Variants in MIR2052HG observed in about 807,000 individuals in gnomAD.
The protein encoded by MIR2052HG is MIR2052 host gene.
chr8:74,682,996 A>G (rs1264370872), intron 2 of MIR2052HG, among the ~76,000 whole-genome samples: 1 of 152,200 alleles, frequency 6.6e-6, no homozygotes, highest in African/African-American at 2.4e-5. Context: ...GTCTGTATAC[A>G]GTATGATATC....
chr8:74,611,311 C>A (rs2128731351), intron 1 of MIR2052HG, among the ~76,000 whole-genome samples: 1 of 152,180 alleles, frequency 6.6e-6, no homozygotes, highest in African/African-American at 2.4e-5. Flanking sequence ...AAAACACTGA[C>A]AACATCAAAT....
intron 2 of MIR2052HG, among the ~76,000 whole-genome samples, chr8:74,629,655 T>C (rs1184194790): frequency 6.6e-6 from 1 of 152,102 alleles, no homozygotes. Flanking sequence ...TGGAAGCCTT[T>C]TGCAGCCAAC....
chr8:74,741,793 G>A (rs375780959), intron 4 of MIR2052HG, among the ~76,000 whole-genome samples: 7 of 152,192 alleles, frequency 4.6e-5, no homozygotes, highest in African/African-American at 1.7e-4. Context: ...AGCACTAAGC[G>A]TGGGCGCCAT....
chr8:74,705,417 A>G (rs566579554), intron 4 of MIR2052HG, among the ~76,000 whole-genome samples: 1 of 152,148 alleles, frequency 6.6e-6, no homozygotes, highest in East Asian at 1.9e-4. Flanking sequence ...ACTGGATGTA[A>G]AAGTCATATA....
In MIR2052HG at chr8:74,650,321, C is replaced by T. The variant is rs1039307074; in HGVS notation, n.216+37381C>T. ...TTTGTGTTTGACTTTTTTCACTTAA[C>T]GTAAGGTTTTTTGAGGTTCACTCAT... On this transcript the variant is annotated intron_variant and non_coding_transcript_variant, in intron 2 of 6. Transcript: ENST00000523442. 5.9e-5 allele frequency among the ~76,000 whole-genome samples: 9 copies of T among 151,978 alleles called. No homozygotes were observed. The East Asian group carries it at 1.2e-3, about 20-fold the overall frequency.
intron 2 of MIR2052HG, among the ~76,000 whole-genome samples, chr8:74,638,259 A>G (rs1379442898): frequency 6.6e-6 from 1 of 152,172 alleles, no homozygotes. Flanking sequence ...AATTGTGACA[A>G]ATTCAATATT....
chr8:74,635,906 C>T (rs1389773681), intron 2 of MIR2052HG, among the ~76,000 whole-genome samples: 1 of 152,080 alleles, frequency 6.6e-6, no homozygotes, highest in Non-Finnish European at 1.5e-5. Flanking sequence ...TTTGGTTTGC[C>T]AATTTCTGAA....
chr8:74,662,889 T>TGC (rs571390790), intron 2 of MIR2052HG, among the ~76,000 whole-genome samples: 3,370 of 148,310 alleles, frequency 0.023, 136 homozygotes, highest in African/African-American at 0.083. Context: ...TGTGTGTGTG[T>TGC]GTGTGGTATA....
chr8:74,614,851 C>CT (rs773155570), intron 2 of MIR2052HG, among the ~76,000 whole-genome samples: 2,833 of 144,692 alleles, frequency 0.02, 24 homozygotes, highest in Middle Eastern at 0.03. Context: ...ACAATTTCAT[C>CT]TTTTTTTTTT....
intron 4 of MIR2052HG, among the ~76,000 whole-genome samples, chr8:74,728,346 A>C (rs767401108): frequency 2.6e-5 from 4 of 152,118 alleles, no homozygotes; most frequent in Non-Finnish European, 4.4e-5. Flanking sequence ...CAGGAATCTG[A>C]GATTGTCAGA....
chr8:74,704,120 T>A (rs1174250712), intron 4 of MIR2052HG, among the ~76,000 whole-genome samples: 2 of 151,844 alleles, frequency 1.3e-5, no homozygotes, highest in Non-Finnish European at 2.9e-5. Context: ...GATCTGTGAT[T>A]TTTTTTCTAT....
At chr8:74,734,059 G>T (rs1380263328) in intron 4 of MIR2052HG, among the ~76,000 whole-genome samples, 3 of 152,184 alleles carry the variant, frequency 2.0e-5, no homozygotes, top group Admixed American at 2.0e-4. Context: ...CCTACAAAAT[G>T]GGAGAAAATT....
chr8:74,681,640 T>C (rs1809126362), intron 2 of MIR2052HG, among the ~76,000 whole-genome samples: 1 of 152,158 alleles, frequency 6.6e-6, no homozygotes, highest in African/African-American at 2.4e-5. Flanking sequence ...GGGAATGGGT[T>C]AGTTATCCTG....
At chr8:74,701,452 C>G (rs759155702) in intron 2 of MIR2052HG, among the ~76,000 whole-genome samples, 1 of 151,952 alleles carries the variant, frequency 6.6e-6, no homozygotes, top group African/African-American at 2.4e-5. Context: ...CTCCATACTC[C>G]GGGGCAGTCA....
At chr8:74,612,657 A>G (rs1808216586) in intron 1 of MIR2052HG, 1 of 330,954 alleles carries the variant, frequency 3.0e-6, no homozygotes, top group Non-Finnish European at 6.0e-6. Context: ...CTTTACCTTT[A>G]GAAAGTCTGG....
At chr8:74,666,152 C>T (rs1808921747) in intron 2 of MIR2052HG, among the ~76,000 whole-genome samples, 1 of 152,148 alleles carries the variant, frequency 6.6e-6, no homozygotes, top group South Asian at 2.1e-4. Context: ...TCCAAGCCAC[C>T]AGCATTTCTC....
chr8:74,686,706 C>T (rs369477758), intron 2 of MIR2052HG, among the ~76,000 whole-genome samples: 139 of 152,062 alleles, frequency 9.1e-4, no homozygotes, highest in Non-Finnish European at 1.5e-3. Flanking sequence ...TATATTGCTT[C>T]GAGAGTCCAT....
intron 1 of MIR2052HG, among the ~76,000 whole-genome samples, chr8:74,610,192 C>A (rs574110919): frequency 4.0e-5 from 6 of 151,644 alleles, no homozygotes; most frequent in Non-Finnish European, 8.9e-5. Flanking sequence ...TTGCAGGATG[C>A]AAGATTAATA....
At chr8:74,622,895 T>G (rs549149531) in intron 2 of MIR2052HG, among the ~76,000 whole-genome samples, 2 of 151,844 alleles carry the variant, frequency 1.3e-5, no homozygotes, top group Non-Finnish European at 2.9e-5. Flanking sequence ...TGGAGAGCAT[T>G]ACCTTAAGTG....
Sources: allele counts gnomAD v4.1 joint callset (sites outside exome capture counted in the v4.1 genomes callset), GRCh38; gene constraint gnomAD v4.1.1; transcripts MANE v1.5; gene names NCBI Gene and HGNC (gene_info 2026-07-23, HGNC 2026-07-21).